Variants in GALNTL6 observed in about 807,000 individuals in gnomAD.
GALNTL6 encodes polypeptide N-acetylgalactosaminyltransferase-like 6.
In GALNTL6, 46 loss-of-function variants were observed where a neutral mutation model predicts 73.7. That is an observed-to-expected ratio of 0.62 (90% CI 0.49 to 0.80). GALNTL6 has a LOEUF of 0.80. Among genes scored for constraint, GALNTL6 ranks in the 30% least tolerant of loss-of-function variants. The pLI, the probability that GALNTL6 is intolerant of heterozygous loss-of-function variation, is 0.00. For synonymous variants in GALNTL6, 259 were observed against 263.7 expected (o/e 0.98, Z 0.17); for missense variants, 604 against 755.0 (o/e 0.80, Z 2.34).
intron 11 of GALNTL6, among the ~76,000 whole-genome samples, chr4:173,019,105 G>C (rs922959357): frequency 2.6e-5 from 4 of 152,198 alleles, no homozygotes; most frequent in Admixed American, 2.6e-4. Context: ...TCATTGATTA[G>C]ATGAGGATGG....
chr4:172,788,525 A>C (rs1280856543), intron 5 of GALNTL6, among the ~76,000 whole-genome samples: 2 of 151,914 alleles, frequency 1.3e-5, no homozygotes, highest in East Asian at 3.9e-4. Context: ...ACAAAAAATT[A>C]GCCGGGCGTG....
chr4:172,451,694 G>A (rs997419912), intron 5 of GALNTL6, among the ~76,000 whole-genome samples: 12 of 152,196 alleles, frequency 7.9e-5, no homozygotes, highest in African/African-American at 2.9e-4. Context: ...AAAGTCATCA[G>A]CAAACAATTT....
intron 2 of GALNTL6, among the ~76,000 whole-genome samples, chr4:171,997,866 A>G (rs559813372): frequency 2.4e-4 from 37 of 152,236 alleles, no homozygotes; most frequent in Middle Eastern, 6.8e-3. Context: ...TCAGGGAGAA[A>G]AAGTTAGGAA....
intron 7 of GALNTL6, among the ~76,000 whole-genome samples, chr4:172,868,825 A>G (rs1744786374): frequency 6.6e-6 from 1 of 152,222 alleles, no homozygotes; most frequent in Admixed American, 6.5e-5. Context: ...GCACAAATCT[A>G]AAATACTCAG....
intron 2 of GALNTL6, among the ~76,000 whole-genome samples, chr4:172,220,795 T>C (rs1736645856): frequency 1.3e-5 from 2 of 151,820 alleles, no homozygotes; most frequent in Non-Finnish European, 3.0e-5. Flanking sequence ...TCAGAAGCCA[T>C]TTAAAATTCC....
chr4:172,411,405 G>A (rs184634329), intron 5 of GALNTL6, among the ~76,000 whole-genome samples: 172 of 152,244 alleles, frequency 1.1e-3, no homozygotes, highest in Non-Finnish European at 1.9e-3. Flanking sequence ...TACTACATTA[G>A]CATGCAGTTG....
chr4:172,846,932 TTCTTTCTCTCGTCCTCGCTC>T (rs1171800022), intron 7 of GALNTL6, among the ~76,000 whole-genome samples: 3 of 152,176 alleles, frequency 2.0e-5, no homozygotes, highest in African/African-American at 7.2e-5. Context: ...TTTTCTTTGT[TTCTTTCTCTCGTCCTCGCTC>T]TCTTTCTCTC....
chr4:172,651,139 A>G (rs1287607547), intron 5 of GALNTL6, among the ~76,000 whole-genome samples: 2 of 152,206 alleles, frequency 1.3e-5, no homozygotes, highest in East Asian at 1.9e-4. Context: ...TGTATTGTCC[A>G]TCCACTGGAT....
intron 5 of GALNTL6, among the ~76,000 whole-genome samples, chr4:172,592,645 C>T (rs1460243717): frequency 6.6e-6 from 1 of 150,426 alleles, no homozygotes; most frequent in Admixed American, 6.7e-5. Context: ...TTAGAATACT[C>T]AAATCTATAT....
rs187911947 is a variant in GALNTL6, at chr4:172,574,600, A to C, written c.553+225911A>C. ...GAAAATAAGATTGGGGAGAATTATG[A>C]GTATGAAGGAGAAAAACAGCTAACA... On this transcript the variant is annotated intron_variant, in intron 5 of 12. Coordinates refer to ENST00000506823, the MANE Select transcript of GALNTL6 (RefSeq NM_001034845.3). 3.1e-3 allele frequency among the ~76,000 whole-genome samples: 476 copies of C among 151,958 alleles called. 5 individuals carry two copies. Among genetic ancestry groups the C allele is most frequent in the South Asian group, 0.023 (113 of 4,828 alleles).
chr4:172,463,795 C>T (rs536028555), intron 5 of GALNTL6, among the ~76,000 whole-genome samples: 1 of 152,156 alleles, frequency 6.6e-6, no homozygotes, highest in African/African-American at 2.4e-5. Flanking sequence ...CATATGCAAG[C>T]AATCTGTGGA....
intron 2 of GALNTL6, among the ~76,000 whole-genome samples, chr4:172,075,639 A>G (rs1302775998): frequency 2.0e-5 from 3 of 152,088 alleles, no homozygotes; most frequent in Admixed American, 6.6e-5. Flanking sequence ...CCGGCCCCCA[A>G]CAGGTATCTT....
intron 2 of GALNTL6, among the ~76,000 whole-genome samples, chr4:172,105,573 T>TAA (rs1732653032): frequency 6.6e-6 from 1 of 150,900 alleles, no homozygotes; most frequent in African/African-American, 2.4e-5. Context: ...GCATTGATAA[T>TAA]AATCAAAGAA....
chr4:172,540,051 C>CTTTTTT (rs70944413), intron 5 of GALNTL6, among the ~76,000 whole-genome samples: 3 of 129,208 alleles, frequency 2.3e-5, no homozygotes, highest in Non-Finnish European at 3.3e-5. Flanking sequence ...TTCTTTCTTT[C>CTTTTTT]TTTTTTTTTT....
At chr4:171,884,261 T>C (rs760576857) in intron 2 of GALNTL6, among the ~76,000 whole-genome samples, 2 of 152,164 alleles carry the variant, frequency 1.3e-5, no homozygotes, top group Non-Finnish European at 2.9e-5. Context: ...TCCTAAAGCA[T>C]TGAAAGATCT....
chr4:172,003,429 G>GTAAC (rs1250166592), intron 2 of GALNTL6, among the ~76,000 whole-genome samples: 4 of 152,062 alleles, frequency 2.6e-5, no homozygotes, highest in African/African-American at 7.2e-5. Context: ...ATTTTATTAT[G>GTAAC]TAACTTTTGT....
At chr4:172,941,133 C>T (rs985704486) in intron 9 of GALNTL6, among the ~76,000 whole-genome samples, 1 of 152,130 alleles carries the variant, frequency 6.6e-6, no homozygotes, top group Admixed American at 6.5e-5. Context: ...ATTTTCAGCT[C>T]AGTTATGACT....
intron 8 of GALNTL6, among the ~76,000 whole-genome samples, chr4:172,920,839 A>G (rs1484678041): frequency 6.6e-6 from 1 of 152,224 alleles, no homozygotes; most frequent in Admixed American, 6.5e-5. Context: ...TCAGTCAACA[A>G]ATACCTACAG....
At chr4:172,408,083 C>T (rs928531318) in intron 5 of GALNTL6, among the ~76,000 whole-genome samples, 1 of 152,036 alleles carries the variant, frequency 6.6e-6, no homozygotes, top group Non-Finnish European at 1.5e-5. Context: ...TTGCCACAAC[C>T]TTTGGGGATT....
Sources: allele counts gnomAD v4.1 joint callset (sites outside exome capture counted in the v4.1 genomes callset), GRCh38; gene constraint gnomAD v4.1.1; transcripts MANE v1.5; gene names NCBI Gene and HGNC (gene_info 2026-07-23, HGNC 2026-07-21).